Variants in OLAH observed in about 807,000 individuals in gnomAD.
OLAH encodes oleoyl-ACP hydrolase, also known as S-acyl fatty acid synthase thioesterase, medium chain.
In OLAH, 33 loss-of-function variants were observed where a neutral mutation model predicts 27.8. That is an observed-to-expected ratio of 1.19 (90% CI 0.90 to 1.59). The LOEUF is 1.59. Among genes scored for constraint, OLAH ranks in the 40% most tolerant of loss-of-function variants. The pLI is 0.00. For synonymous variants in OLAH, 120 were observed against 102.9 expected (o/e 1.17, Z -1.01); for missense variants, 359 against 310.8 (o/e 1.16, Z -1.17).
chr10:15,042,288 A>G (rs1200686259), upstream of OLAH, among the ~76,000 whole-genome samples: 2 of 151,922 alleles, frequency 1.3e-5, no homozygotes. Context: ...AGTAGCTGGG[A>G]TTACAGGCAC....
chr10:15,061,932 C>A, intron 4 of OLAH, 70 bp downstream of exon 4: 2 of 1,480,560 alleles, frequency 1.4e-6, no homozygotes, highest in Non-Finnish European at 9.2e-7. Context: ...TAATGTTATT[C>A]TTTGTGTTTT....
At chr10:15,048,217 T>A (rs1344279496) in intron 2 of OLAH, among the ~76,000 whole-genome samples, 1 of 152,062 alleles carries the variant, frequency 6.6e-6, no homozygotes, top group Admixed American at 6.6e-5. Context: ...ATAAGTAGAT[T>A]TGTTTGTTTG....
rs544753459 is a variant in OLAH, at chr10:15,046,007, G to C, written c.-163-1119G>C. On this transcript the variant is annotated intron_variant, in intron 1 of 7. Coordinates refer to ENST00000378228, the MANE Select transcript of OLAH (RefSeq NM_001039702.3). ...GGTCGTGCCACCACACTCCAGCCTG[G>C]GCGATAGAGCGAGATTCAGTCTCAA... Among the ~76,000 whole-genome samples, 5 of 152,142 alleles carry C rather than the reference G, an allele frequency of 3.3e-5. No homozygotes were observed. The East Asian group carries it at 9.7e-4, about 29-fold the overall frequency.
chr10:15,064,526 G>A, intron 5 of OLAH, 24 bp downstream of exon 5: 3 of 1,381,406 alleles, frequency 2.2e-6, no homozygotes, highest in African/African-American at 1.5e-5. Context: ...CTTTTTCCTA[G>A]GAAGGGCAGT....
intron 6 of OLAH, among the ~76,000 whole-genome samples, chr10:15,071,195 C>T (rs987078908): frequency 6.6e-6 from 1 of 152,128 alleles, no homozygotes; most frequent in African/African-American, 2.4e-5. Flanking sequence ...TCCCAGGAGA[C>T]TTGCCTTGAC....
intron 3 of OLAH, among the ~76,000 whole-genome samples, chr10:15,053,552 C>T (rs1334312594): frequency 6.6e-6 from 1 of 152,148 alleles, no homozygotes. Flanking sequence ...AGAGCCCACC[C>T]CAAGGGAAGA....
In OLAH at chr10:15,070,065, C is replaced by T. The variant is rs193076340; in HGVS notation, c.573-1730C>T. On this transcript the variant is annotated intron_variant, in intron 6 of 7. Transcript: ENST00000378228. Reference sequence around the variant, plus strand: ...TCTCTCTGTAGTGGGAGTCTGTCTTCCTTGGAATTTGATTTCTAACTTGCC... The same window carrying T: ...TCTCTCTGTAGTGGGAGTCTGTCTTTCTTGGAATTTGATTTCTAACTTGCC... 2.0e-5 allele frequency among the ~76,000 whole-genome samples: 3 copies of T among 152,190 alleles called. No individual in the cohort carries two copies. In the East Asian group the frequency reaches 5.8e-4, roughly 29 times the overall value.
intron 1 of OLAH, among the ~76,000 whole-genome samples, chr10:15,033,687 A>G (rs1452673737): frequency 6.6e-6 from 1 of 152,118 alleles, no homozygotes; most frequent in Non-Finnish European, 1.5e-5. Context: ...TCATTGCAAG[A>G]TGGTACTTTG....
chr10:15,069,385 C>A (rs191825586), intron 6 of OLAH, among the ~76,000 whole-genome samples: 1 of 152,132 alleles, frequency 6.6e-6, no homozygotes, highest in Non-Finnish European at 1.5e-5. Context: ...ACCCTGGTGG[C>A]GAGAGGGTTT....
chr10:15,066,404 T>C (rs889677907), intron 6 of OLAH, among the ~76,000 whole-genome samples: 1 of 152,228 alleles, frequency 6.6e-6, no homozygotes, highest in East Asian at 1.9e-4. Context: ...TGTTACTTAT[T>C]GTAAGTGTGG....
intron 4 of OLAH, among the ~76,000 whole-genome samples, chr10:15,064,137 T>C (rs529197704): frequency 5.9e-5 from 9 of 152,330 alleles, no homozygotes; most frequent in African/African-American, 2.2e-4. Flanking sequence ...TACACACCTT[T>C]AAGGAAGAAA....
At chr10:15,056,606 TTTCCTTCCTTCCTTTCC>T (rs1016900167) in intron 3 of OLAH, among the ~76,000 whole-genome samples, 2 of 151,914 alleles carry the variant, frequency 1.3e-5, no homozygotes, top group Middle Eastern at 6.3e-3. Flanking sequence ...CCTTTCTTTC[TTTCCTTCCTTCCTTTCC>T]TTCCTTCCTT....
chr10:15,051,060 T>TTTA lies in OLAH; in HGVS notation c.163+1313_163+1315dup, dbSNP rs1363953389. ...GTAAATCTGGCTGATTTCAAGACTGTTTATTATTATTATTATTATTTTTTT... is the reference window on the plus strand; with the variant it reads ...GTAAATCTGGCTGATTTCAAGACTGTTTATTATTATTATTATTATTATTTTTTT... On this transcript the variant is annotated intron_variant, in intron 3 of 7. Coordinates refer to ENST00000378228, the MANE Select transcript of OLAH (RefSeq NM_001039702.3). Among the ~76,000 whole-genome samples, 198 of 136,486 alleles carry TTTA rather than the reference T, an allele frequency of 1.5e-3. 7 individuals are homozygous for TTTA. The highest frequency in any genetic ancestry group is 3.1e-3 in the East Asian group (14 of 4,586). 89.5% of individuals were successfully genotyped at this position (136,486 alleles called of 152,430 possible).
chr10:15,065,862 G>C (rs1674196952), intron 6 of OLAH, 109 bp downstream of exon 6: 1 of 1,018,226 alleles, frequency 9.8e-7, no homozygotes, highest in African/African-American at 1.6e-5. Flanking sequence ...AATTCTAAGA[G>C]TTTGGTTTCA....
In OLAH at chr10:15,032,620, C is replaced by CAA. The variant is rs71390005; in HGVS notation, c.-164+288_-164+289dup. On this transcript the variant is annotated intron_variant, in intron 1 of 3. Coordinates refer to the OLAH transcript ENST00000413672. The stretch of plus-strand genomic sequence containing the variant: ...TGGGCGACAGAGTGAGACTCAGTTT[C>CAA]AAAAAAAAAAAAAAAAAAAGAAAAA... 1.2e-3 allele frequency among the ~76,000 whole-genome samples: 111 copies of CAA among 95,630 alleles called. 1 individual carries two copies. Among genetic ancestry groups the CAA allele is most frequent in the African/African-American group, 2.0e-3 (46 of 22,958 alleles). 62.7% of individuals were successfully genotyped at this position (95,630 alleles called of 152,430 possible).
intron 3 of OLAH, among the ~76,000 whole-genome samples, chr10:15,053,173 T>C (rs184644350): frequency 7.2e-5 from 11 of 152,206 alleles, no homozygotes; most frequent in Non-Finnish European, 1.5e-5. Context: ...TAGTTAGACA[T>C]AAACAAGGCA....
intron 3 of OLAH, among the ~76,000 whole-genome samples, chr10:15,058,688 T>C (rs1844294173): frequency 6.6e-6 from 1 of 152,210 alleles, no homozygotes; most frequent in Non-Finnish European, 1.5e-5. Context: ...TTTGTTAAAG[T>C]AGATCCAGAT....
At chr10:15,050,917 G>A (rs1844125667) in intron 3 of OLAH, among the ~76,000 whole-genome samples, 3 of 151,900 alleles carry the variant, frequency 2.0e-5, no homozygotes, top group African/African-American at 7.2e-5. Context: ...AAAAATAAAA[G>A]TATTAACTAT....
At chr10:15,044,603 T>C (rs1227632941) in intron 1 of OLAH, among the ~76,000 whole-genome samples, 6 of 152,080 alleles carry the variant, frequency 3.9e-5, no homozygotes, top group Admixed American at 3.9e-4. Context: ...TCAAAGTATA[T>C]CCTTTAACGT....
Sources: allele counts gnomAD v4.1 joint callset (sites outside exome capture counted in the v4.1 genomes callset), GRCh38; gene constraint gnomAD v4.1.1; transcripts MANE v1.5; gene names NCBI Gene and HGNC (gene_info 2026-07-23, HGNC 2026-07-21).